Variants in ITGBL1 observed in about 807,000 individuals in gnomAD.
ITGBL1 encodes integrin subunit beta like 1.
ITGBL1 carries 51 observed loss-of-function variants against 68.5 expected under a neutral mutation model. That is an observed-to-expected ratio of 0.74 (90% CI 0.59 to 0.94). ITGBL1 has a LOEUF of 0.94. Ranked by LOEUF, ITGBL1 falls within the 40% of genes least tolerant of loss-of-function variation. The pLI, the probability that ITGBL1 is intolerant of heterozygous loss-of-function variation, is 0.00. For missense variants in ITGBL1, 649 were observed against 647.4 expected, an observed-to-expected ratio of 1.00 and a Z score of -0.03; for synonymous variants, 209 against 227.3, an observed-to-expected ratio of 0.92 and a Z score of 0.72.
intron 2 of ITGBL1, among the ~76,000 whole-genome samples, chr13:101,508,742 T>G (rs2049065956): frequency 2.0e-5 from 3 of 152,174 alleles, no homozygotes; most frequent in Non-Finnish European, 4.4e-5. Flanking sequence ...TATTTGTGAT[T>G]TCTGTCATTA....
intron 2 of ITGBL1, among the ~76,000 whole-genome samples, chr13:101,553,675 G>C (rs1025243062): frequency 1.3e-5 from 2 of 151,784 alleles, no homozygotes; most frequent in African/African-American, 2.4e-5. Context: ...TACTCCCTTG[G>C]GAGCTTCTGG....
intron 7 of ITGBL1, among the ~76,000 whole-genome samples, chr13:101,683,957 G>A (rs955386794): frequency 2.6e-5 from 4 of 151,842 alleles, no homozygotes; most frequent in Admixed American, 2.6e-4. Flanking sequence ...AAATAGTTTG[G>A]ATATGAGACA....
intron 2 of ITGBL1, among the ~76,000 whole-genome samples, chr13:101,528,405 A>T (rs1369996871): frequency 2.6e-5 from 4 of 151,760 alleles, no homozygotes; most frequent in African/African-American, 9.7e-5. Context: ...TATAAATTTC[A>T]GTGATCTTTC....
In ITGBL1 at chr13:101,561,353, C is replaced by T. The variant is rs1028375130; in HGVS notation, c.317-6346C>T. Among the ~76,000 whole-genome samples, 5 of 152,268 alleles carry T rather than the reference C, an allele frequency of 3.3e-5. No individual in the cohort carries two copies. The South Asian group carries it at 1.0e-3, about 32-fold the overall frequency. Reference sequence around the variant, plus strand: ...CAGGATGGTCATGAAACTATCCAGACATTTAGTACCTGTTTCCCCTATAAA... The same window carrying T: ...CAGGATGGTCATGAAACTATCCAGATATTTAGTACCTGTTTCCCCTATAAA... On this transcript the variant is annotated intron_variant, in intron 2 of 10. Transcript: ENST00000376180.
chr13:101,689,809 G>A (rs1370607679), intron 7 of ITGBL1, among the ~76,000 whole-genome samples: 3 of 152,022 alleles, frequency 2.0e-5, no homozygotes, highest in African/African-American at 7.3e-5. Flanking sequence ...AGCACACCAT[G>A]GAAAATGGGT....
intron 6 of ITGBL1, among the ~76,000 whole-genome samples, chr13:101,588,383 A>T (rs371312819): frequency 1.2e-4 from 18 of 152,130 alleles, no homozygotes; most frequent in African/African-American, 4.1e-4. Flanking sequence ...CTGATGTTCG[A>T]TATCAAGACA....
At chr13:101,698,913 A>G (rs1049510401) in intron 8 of ITGBL1, among the ~76,000 whole-genome samples, 1 of 152,160 alleles carries the variant, frequency 6.6e-6, no homozygotes, top group African/African-American at 2.4e-5. Flanking sequence ...ATAGCTACCC[A>G]TGAGTCCAAT....
At chr13:101,600,989 AT>A (rs1365988763) in intron 7 of ITGBL1, among the ~76,000 whole-genome samples, 7 of 152,104 alleles carry the variant, frequency 4.6e-5, no homozygotes, top group African/African-American at 7.2e-5. Context: ...TTTTCTATTG[AT>A]TGGAATAGTT....
chr13:101,643,417 A>G (rs2032456203), intron 7 of ITGBL1, among the ~76,000 whole-genome samples: 1 of 151,914 alleles, frequency 6.6e-6, no homozygotes, highest in Non-Finnish European at 1.5e-5. Flanking sequence ...TTGATTTTGT[A>G]TCCTGAGACT....
chr13:101,511,375 C>A (rs1594856425), intron 2 of ITGBL1, among the ~76,000 whole-genome samples: 1 of 152,050 alleles, frequency 6.6e-6, no homozygotes, highest in Non-Finnish European at 1.5e-5. Flanking sequence ...TTGTATAATT[C>A]CTTTTTCTTG....
At chr13:101,565,494 C>G (rs942847802) in intron 2 of ITGBL1, among the ~76,000 whole-genome samples, 7 of 152,078 alleles carry the variant, frequency 4.6e-5, no homozygotes, top group Non-Finnish European at 4.4e-5. Context: ...ATGGCCCTGT[C>G]TGACATTAGC....
chr13:101,529,771 G>C (rs1279444495), intron 2 of ITGBL1, among the ~76,000 whole-genome samples: 1 of 152,142 alleles, frequency 6.6e-6, no homozygotes, highest in Non-Finnish European at 1.5e-5. Flanking sequence ...CGCCATAAAA[G>C]ACTTGCTTTG....
chr13:101,605,377 TAC>T (rs1394375342), intron 7 of ITGBL1, among the ~76,000 whole-genome samples: 10 of 151,214 alleles, frequency 6.6e-5, no homozygotes, highest in African/African-American at 2.4e-4. Context: ...TGCGTATATA[TAC>T]ACATATATGG....
chr13:101,588,870 A>G (rs2139302750), intron 6 of ITGBL1, among the ~76,000 whole-genome samples: 1 of 152,272 alleles, frequency 6.6e-6, no homozygotes, highest in East Asian at 1.9e-4. Context: ...GAATTGAGAA[A>G]CTGGTAAATT....
chr13:101,506,586 C>T (rs2049030669), intron 2 of ITGBL1, among the ~76,000 whole-genome samples: 1 of 152,172 alleles, frequency 6.6e-6, no homozygotes, highest in Non-Finnish European at 1.5e-5. Flanking sequence ...CCCTGCCCTG[C>T]TTCCATACCT....
downstream of ITGBL1, chr13:101,716,975 C>T (rs1178766938): frequency 2.0e-5 from 3 of 151,768 alleles, no homozygotes; most frequent in South Asian, 2.1e-4. Context: ...TACTTATACA[C>T]ATTAGTTTAG....
At chr13:101,715,421 A>T in intron 10 of ITGBL1, 142 bp from the exon 11 acceptor site, 1 of 685,454 alleles carries the variant, frequency 1.5e-6, no homozygotes, top group Admixed American at 2.3e-5. Context: ...ATAAGATGTA[A>T]TAATAACATC....
chr13:101,607,973 T>C (rs1238553686), intron 7 of ITGBL1, among the ~76,000 whole-genome samples: 2 of 152,114 alleles, frequency 1.3e-5, no homozygotes, highest in East Asian at 3.8e-4. Flanking sequence ...TTTTCTTATC[T>C]GTCCTGTTTG....
chr13:101,528,154 T>G (rs1177387125), intron 2 of ITGBL1, among the ~76,000 whole-genome samples: 1 of 151,420 alleles, frequency 6.6e-6, no homozygotes, highest in Non-Finnish European at 1.5e-5. Context: ...ATATATAGGT[T>G]TATTAATATT....
Sources: allele counts gnomAD v4.1 joint callset (sites outside exome capture counted in the v4.1 genomes callset), GRCh38; gene constraint gnomAD v4.1.1; transcripts MANE v1.5; gene names NCBI Gene and HGNC (gene_info 2026-07-23, HGNC 2026-07-21).